Variants in KLHL32 observed in about 807,000 individuals in gnomAD.
The protein encoded by KLHL32 is kelch like family member 32, also known as kelch-like protein 32.
Under a neutral mutation model 64.8 loss-of-function variants are expected in KLHL32, and 35 were observed. The observed-to-expected ratio is 0.54, with a 90% CI of 0.41 to 0.72. KLHL32 has a LOEUF of 0.72. Among genes scored for constraint, KLHL32 ranks in the 30% least tolerant of loss-of-function variants. The pLI is 0.00. For missense variants in KLHL32, 589 were observed against 768.5 expected, an observed-to-expected ratio of 0.77 and a Z score of 2.76; for synonymous variants, 259 against 281.0, an observed-to-expected ratio of 0.92 and a Z score of 0.78.
chr6:97,113,191 T>C (rs1402366698), intron 6 of KLHL32, among the ~76,000 whole-genome samples: 2 of 152,210 alleles, frequency 1.3e-5, no homozygotes, highest in Non-Finnish European at 2.9e-5. Context: ...TATTTTTTCT[T>C]TTCTTGCTTC....
intron 3 of KLHL32, among the ~76,000 whole-genome samples, chr6:97,009,149 G>T (rs1029637015): frequency 3.3e-5 from 5 of 150,486 alleles, no homozygotes; most frequent in Non-Finnish European, 7.4e-5. Flanking sequence ...GCAAACCAAG[G>T]GTCTGAAACA....
At chr6:97,089,486 A>ATTATTT (rs1793900231) in intron 6 of KLHL32, among the ~76,000 whole-genome samples, 1 of 152,202 alleles carries the variant, frequency 6.6e-6, no homozygotes, top group Non-Finnish European at 1.5e-5. Flanking sequence ...TTGTAAGAAC[A>ATTATTT]GTCCTTTTCT....
intron 3 of KLHL32, chr6:97,025,125 TC>T: frequency 1.0e-6 from 1 of 984,920 alleles, no homozygotes; most frequent in Non-Finnish European, 1.2e-6. Flanking sequence ...GGAGAAGACA[TC>T]TGATCCTGTG....
intron 1 of KLHL32, among the ~76,000 whole-genome samples, chr6:96,935,130 A>T (rs1770428897): frequency 1.3e-5 from 2 of 152,200 alleles, no homozygotes; most frequent in Non-Finnish European, 2.9e-5. Flanking sequence ...GCATGGCAGG[A>T]TGTTGCTTAA....
intron 3 of KLHL32, among the ~76,000 whole-genome samples, chr6:96,996,126 C>T (rs1306382961): frequency 1.3e-5 from 2 of 152,252 alleles, no homozygotes; most frequent in Non-Finnish European, 2.9e-5. Flanking sequence ...CTGCGGGCCA[C>T]TCTGTAGGTT....
At chr6:97,067,842 C>G (rs1333529258) in intron 5 of KLHL32, among the ~76,000 whole-genome samples, 1 of 152,194 alleles carries the variant, frequency 6.6e-6, no homozygotes, top group Non-Finnish European at 1.5e-5. Context: ...TCTCCAGCCA[C>G]TGTGCCTTTC....
intron 2 of KLHL32, among the ~76,000 whole-genome samples, chr6:96,968,977 A>C (rs893635284): frequency 6.6e-6 from 1 of 152,210 alleles, no homozygotes; most frequent in Non-Finnish European, 1.5e-5. Context: ...AACAACAAAG[A>C]CATGCTCTTC....
chr6:96,899,714 A>G, the KLHL32 span, among the ~76,000 whole-genome samples: 1 of 152,224 alleles, frequency 6.6e-6, no homozygotes, highest in Non-Finnish European at 1.5e-5. Flanking sequence ...TCATGGAAAT[A>G]AAACCTGAAC....
intron 3 of KLHL32, among the ~76,000 whole-genome samples, chr6:96,992,285 C>T (rs1777970913): frequency 6.6e-6 from 1 of 152,240 alleles, no homozygotes; most frequent in Non-Finnish European, 1.5e-5. Context: ...CAGGGACTCT[C>T]ACTGACTCAC....
At chr6:96,980,780 C>T (rs142267749) in intron 3 of KLHL32, among the ~76,000 whole-genome samples, 32 of 152,158 alleles carry the variant, frequency 2.1e-4, no homozygotes, top group African/African-American at 7.7e-4. Context: ...GCTGTGAATC[C>T]ATTTGGTCCT....
chr6:97,077,210 C>T (rs112763708), intron 5 of KLHL32, among the ~76,000 whole-genome samples: 151 of 152,294 alleles, frequency 9.9e-4, no homozygotes, highest in African/African-American at 3.5e-3. Flanking sequence ...TCTGGGTTGT[C>T]CCGCAGAAGG....
chr6:97,107,764 G>C (rs1322834630), intron 6 of KLHL32, among the ~76,000 whole-genome samples: 5 of 152,154 alleles, frequency 3.3e-5, no homozygotes, highest in Admixed American at 1.3e-4. Flanking sequence ...ATAGAAAACT[G>C]AAGCCTGTGA....
intron 6 of KLHL32, among the ~76,000 whole-genome samples, chr6:97,103,299 C>T (rs541486058): frequency 1.2e-4 from 18 of 151,432 alleles, no homozygotes; most frequent in African/African-American, 3.6e-4. Context: ...CTGCAAGCTC[C>T]GCTTCCCAGG....
chr6:97,069,355 A>G (rs929045506), intron 5 of KLHL32, among the ~76,000 whole-genome samples: 2 of 148,842 alleles, frequency 1.3e-5, no homozygotes, highest in Non-Finnish European at 1.5e-5. Flanking sequence ...AAAAAATGCT[A>G]TTCTCTCACT....
chr6:97,038,474 CCAGTTAAAATGG>C lies in KLHL32; in HGVS notation c.205-3016_205-3005del, dbSNP rs1212901391. Among the ~76,000 whole-genome samples, 9 of 152,144 alleles carry C rather than the reference CCAGTTAAAATGG, an allele frequency of 5.9e-5. No homozygotes were observed. The East Asian group carries it at 1.4e-3, about 23-fold the overall frequency. ...CAAAACTACACTGAAATACCTCACC[CCAGTTAAAATGG>C]CTTTTATCAAAAAGAGAGGCAATAA... On this transcript the variant is annotated intron_variant, in intron 3 of 10. Coordinates refer to ENST00000369261, the MANE Select transcript of KLHL32 (RefSeq NM_052904.4).
chr6:96,986,850 C>G (rs1304135384), intron 3 of KLHL32, among the ~76,000 whole-genome samples: 2 of 152,232 alleles, frequency 1.3e-5, no homozygotes, highest in Non-Finnish European at 2.9e-5. Flanking sequence ...CCTGCTTCAG[C>G]TCATGCTTGG....
chr6:97,052,937 A>G (rs537452586), intron 4 of KLHL32, among the ~76,000 whole-genome samples: 20 of 152,294 alleles, frequency 1.3e-4, no homozygotes, highest in South Asian at 6.2e-4. Flanking sequence ...GGAAATTTCC[A>G]TTACATCTCA....
chr6:97,030,862 T>C (rs571827590), intron 3 of KLHL32, among the ~76,000 whole-genome samples: 1 of 104,226 alleles, frequency 9.6e-6, no homozygotes, highest in East Asian at 2.3e-4. Context: ...CACTGTAGGG[T>C]GGTAGGACAT....
intron 1 of KLHL32, among the ~76,000 whole-genome samples, chr6:96,943,832 T>G (rs1771626325): frequency 6.6e-6 from 1 of 152,186 alleles, no homozygotes; most frequent in African/African-American, 2.4e-5. Context: ...GGGGAACGAG[T>G]GTGCAGATGC....
Sources: gnomAD v4.1 joint callset for allele counts (sites outside exome capture counted in the v4.1 genomes callset) on GRCh38, gnomAD v4.1.1 for gene constraint, MANE v1.5 for transcripts, NCBI Gene and HGNC (gene_info 2026-07-23, HGNC 2026-07-21) for gene names.